ACOT12: variants seen among roughly 807,000 people sequenced by gnomAD.
ACOT12 encodes acetyl-coenzyme A thioesterase.
Under a neutral mutation model 67.7 loss-of-function variants are expected in ACOT12, and 51 were observed. The ratio of observed to expected loss-of-function variants is 0.75; its 90% confidence interval spans 0.60 to 0.95. ACOT12 has a LOEUF of 0.95. Ranked by LOEUF, ACOT12 falls within the 40% of genes least tolerant of loss-of-function variation. The pLI is 0.00. For synonymous variants in ACOT12, 251 were observed against 244.6 expected (o/e 1.03, Z -0.24); for missense variants, 734 against 708.1 (o/e 1.04, Z -0.41).
the ACOT12 span, among the ~76,000 whole-genome samples, chr5:81,316,244 G>T: frequency 6.6e-6 from 1 of 152,086 alleles, no homozygotes; most frequent in Non-Finnish European, 1.5e-5. Context: ...TACAACCATC[G>T]CCATTAATTC....
intron 2 of ACOT12, among the ~76,000 whole-genome samples, chr5:81,382,092 ATAAAAT>A (rs1187826294): frequency 1.3e-5 from 2 of 152,214 alleles, no homozygotes; most frequent in African/African-American, 4.8e-5. Flanking sequence ...TCAGCATAAA[ATAAAAT>A]TAAAACTCAG....
At chr5:81,371,281 C>A (rs964390673) in intron 3 of ACOT12, among the ~76,000 whole-genome samples, 1 of 152,130 alleles carries the variant, frequency 6.6e-6, no homozygotes, top group African/African-American at 2.4e-5. Context: ...GAGACAAAGT[C>A]TTGCTATGTC....
Position 81,379,499 on chromosome 5 carries a change from C to T in ACOT12, c.197+6258G>A, listed in dbSNP as rs547743715. Among the ~76,000 whole-genome samples the T allele has an allele frequency of 2.8e-4, 42 of 151,978 alleles. No individual in the cohort carries two copies. The South Asian group carries it at 8.7e-3, about 32-fold the overall frequency. On this transcript the variant is annotated intron_variant, in intron 2 of 14. Transcript: ENST00000307624. ...TACAATAATAATAAAAAAAAAAGCA[C>T]CATGCTAAACGCTTTGTATCATAAT...
intron 1 of ACOT12, among the ~76,000 whole-genome samples, chr5:81,387,005 TTTTTTTTTTTTTTC>T (rs1425518757): frequency 0.15 from 21,825 of 144,924 alleles, 2,140 homozygotes; most frequent in Admixed American, 0.22. Flanking sequence ...ATTTTTTTTT[TTTTTTTTTTTTTTC>T]TTTTTTCAGA....
At chr5:81,370,310 A>T (rs764653045) in intron 3 of ACOT12, among the ~76,000 whole-genome samples, 3 of 152,186 alleles carry the variant, frequency 2.0e-5, no homozygotes. Context: ...GAAAGTGACC[A>T]CATCAGGGTA....
chr5:81,335,164 G>A (rs1267246869), intron 12 of ACOT12, among the ~76,000 whole-genome samples: 1 of 152,160 alleles, frequency 6.6e-6, no homozygotes, highest in African/African-American at 2.4e-5. Context: ...GTTCCAGTTT[G>A]GGTTCCATCA....
intron 11 of ACOT12, among the ~76,000 whole-genome samples, chr5:81,339,076 C>T (rs1759105461): frequency 6.6e-6 from 1 of 152,098 alleles, no homozygotes; most frequent in African/African-American, 2.4e-5. Context: ...GAGACTCTAT[C>T]TCAAAAAACA....
chr5:81,362,102 A>G (rs1156738604), intron 4 of ACOT12, among the ~76,000 whole-genome samples: 1 of 151,912 alleles, frequency 6.6e-6, no homozygotes, highest in Non-Finnish European at 1.5e-5. Context: ...CTGATTTTCC[A>G]CTTTCAGAAC....
At chr5:81,345,112 C>A (rs1759339220) in intron 7 of ACOT12, 71 bp from the exon 8 acceptor site, 1 of 643,766 alleles carries the variant, frequency 1.6e-6, no homozygotes, top group Non-Finnish European at 2.2e-6. Context: ...CACACCGCTG[C>A]CACCTCCTCG....
intron 5 of ACOT12, among the ~76,000 whole-genome samples, chr5:81,349,918 T>C (rs1759502016): frequency 6.6e-6 from 1 of 152,198 alleles, no homozygotes; most frequent in Non-Finnish European, 1.5e-5. Flanking sequence ...TGCTTAGAAG[T>C]ATCAGACACT....
At chr5:81,365,377 T>C (rs768474477) in intron 3 of ACOT12, among the ~76,000 whole-genome samples, 17 of 152,210 alleles carry the variant, frequency 1.1e-4, no homozygotes, top group Non-Finnish European at 1.9e-4. Context: ...AACTAGATGA[T>C]GATTAGCCAA....
rs1200732416 is a variant in ACOT12 at position 81,342,685 on chromosome 5, C to A, written c.1115G>T (p.Ser372Ile). 6.2e-7 allele frequency: 1 copy of A among 1,614,030 alleles called. No individual in the cohort carries two copies. The highest frequency in any genetic ancestry group is 8.5e-7 in the Non-Finnish European group (1 of 1,180,024). The change falls in exon 11 of 15, where the codon AGC becomes ATC. Residue 372 changes from serine to isoleucine, a missense_variant. By Grantham distance (142) the Ser-to-Ile change is moderately radical (BLOSUM62 -2). Transcript: ENST00000307624. ...GAAGTGTCCTACCTTTTCCACAGTG[C>A]TGGTAACCTCCCAACCCCTTTTGGC... ...LAAKRGWEVT[S>I]TVEKIKIYTL... is the part of the protein sequence containing the mutation.
intron 2 of ACOT12, among the ~76,000 whole-genome samples, chr5:81,382,350 G>A (rs888438317): frequency 6.6e-6 from 1 of 152,054 alleles, no homozygotes; most frequent in Non-Finnish European, 1.5e-5. Context: ...AGTTTGTGGG[G>A]GAAAATGTAA....
intron 12 of ACOT12, among the ~76,000 whole-genome samples, chr5:81,332,962 G>A (rs1167736151): frequency 1.3e-5 from 2 of 151,708 alleles, no homozygotes; most frequent in South Asian, 2.1e-4. Flanking sequence ...CCAGCTACTC[G>A]AGAGGTTGAG....
the ACOT12 span, among the ~76,000 whole-genome samples, chr5:81,311,607 A>G: frequency 6.6e-6 from 1 of 152,226 alleles, no homozygotes; most frequent in East Asian, 1.9e-4. Context: ...TTCACTGAGA[A>G]AATAAAAAAT....
intron 6 of ACOT12, 58 bp downstream of exon 6, chr5:81,347,716 C>G: frequency 6.3e-7 from 1 of 1,576,738 alleles, no homozygotes; most frequent in Non-Finnish European, 8.6e-7. Context: ...ATCTCAGTCC[C>G]TTTCTACTTT....
At chr5:81,308,775 A>AT in the ACOT12 span, 67 of 1,550,576 alleles carry the variant, frequency 4.3e-5, no homozygotes, top group African/African-American at 1.8e-4. Flanking sequence ...CACCTTGGGT[A>AT]TTTTTTTAAC....
At chr5:81,351,725 A>C (rs1206365446) in intron 5 of ACOT12, among the ~76,000 whole-genome samples, 1 of 152,228 alleles carries the variant, frequency 6.6e-6, no homozygotes, top group Non-Finnish European at 1.5e-5. Flanking sequence ...CCCCACAAGC[A>C]CAGGTAACCA....
intron 5 of ACOT12, among the ~76,000 whole-genome samples, chr5:81,358,457 C>A (rs1376932028): frequency 6.6e-6 from 1 of 152,178 alleles, no homozygotes; most frequent in Non-Finnish European, 1.5e-5. Flanking sequence ...GAGCAACATG[C>A]ATTTGAAATG....
Sources: allele counts gnomAD v4.1 joint callset (sites outside exome capture counted in the v4.1 genomes callset), GRCh38; gene constraint gnomAD v4.1.1; transcripts MANE v1.5; gene names NCBI Gene and HGNC (gene_info 2026-07-23, HGNC 2026-07-21).